Variants in SPON1 observed in about 807,000 individuals in gnomAD.
SPON1 encodes the protein spondin-1.
Under a neutral mutation model 111.7 loss-of-function variants are expected in SPON1, and 52 were observed. The ratio of observed to expected loss-of-function variants is 0.47; its 90% CI spans 0.37 to 0.59. SPON1 has a LOEUF of 0.59. SPON1 is among the 20% of genes least tolerant of loss of function. The probability of loss-of-function intolerance (pLI) is 0.00; values close to 1 mark genes in which losing one functional copy is unlikely to be tolerated. For missense variants in SPON1, 957 were observed against 1,068.5 expected, an observed-to-expected ratio of 0.90 and a Z score of 1.46; for synonymous variants, 410 against 395.8, an observed-to-expected ratio of 1.04 and a Z score of -0.43.
intron 2 of SPON1, among the ~76,000 whole-genome samples, chr11:14,034,638 G>A (rs1164209783): frequency 6.6e-6 from 1 of 152,172 alleles, no homozygotes; most frequent in African/African-American, 2.4e-5. Flanking sequence ...TCACTTCTGG[G>A]CCAAGGGTCT....
chr11:14,079,032 T>TA (rs1564899911), intron 4 of SPON1, among the ~76,000 whole-genome samples: 1 of 152,180 alleles, frequency 6.6e-6, no homozygotes, highest in Non-Finnish European at 1.5e-5. Flanking sequence ...ATTATGTTAA[T>TA]ACTACTAGAG....
intron 3 of SPON1, among the ~76,000 whole-genome samples, chr11:14,044,589 G>A (rs1334021032): frequency 6.6e-6 from 1 of 152,198 alleles, no homozygotes; most frequent in Non-Finnish European, 1.5e-5. Context: ...TCCAGCCTGG[G>A]TGACAGAGTG....
chr11:14,025,062 GATT>G (rs1439016594), intron 2 of SPON1, among the ~76,000 whole-genome samples: 1 of 152,210 alleles, frequency 6.6e-6, no homozygotes, highest in African/African-American at 2.4e-5. Flanking sequence ...AGTGGGAAGA[GATT>G]GAGTTTTAAA....
intron 6 of SPON1, among the ~76,000 whole-genome samples, chr11:14,192,630 C>T (rs1428687334): frequency 6.6e-6 from 1 of 151,800 alleles, no homozygotes; most frequent in Admixed American, 6.6e-5. Context: ...CCTCACGGTA[C>T]ACCCTCCTCC....
rs1554942604 is a variant in SPON1, at chr11:14,267,486, T to C, written c.*1799T>C. ...TGTAGAAGCACCCACTTTTGCAATG[T>C]TGTTCTAAGCTATCTATCTAACTCT... On this transcript the variant is annotated 3_prime_UTR_variant, in exon 16 of 16. Transcript: ENST00000576479. 6.6e-6 allele frequency: 1 copy of C among 152,248 alleles called. No homozygotes were observed. Among genetic ancestry groups the C allele is most frequent in the Non-Finnish European group, 1.5e-5 (1 of 68,046 alleles). The allele number at this position is 152,248 out of a possible 1,614,324, so 9.4% of individuals were successfully genotyped here. A position where few individuals can be genotyped will look rare whatever the true frequency, so the allele number is the denominator to read the frequency against.
At chr11:14,199,455 A>G (rs1270846750) in intron 6 of SPON1, among the ~76,000 whole-genome samples, 1 of 147,628 alleles carries the variant, frequency 6.8e-6, no homozygotes, top group Non-Finnish European at 1.5e-5. Context: ...TCTCCCTCTT[A>G]CTCCTCTATC....
intron 3 of SPON1, among the ~76,000 whole-genome samples, chr11:14,049,620 T>A (rs1426649520): frequency 6.6e-6 from 1 of 152,182 alleles, no homozygotes; most frequent in Non-Finnish European, 1.5e-5. Context: ...ACTGAACACC[T>A]CCTGCTTGCA....
intron 2 of SPON1, among the ~76,000 whole-genome samples, chr11:13,996,797 T>C (rs1554911853): frequency 6.6e-6 from 1 of 152,052 alleles, no homozygotes; most frequent in Non-Finnish European, 1.5e-5. Context: ...TTATATCCTG[T>C]TTTATTTTTA....
chr11:13,987,156 T>G (rs1554910507), intron 2 of SPON1, among the ~76,000 whole-genome samples: 1 of 152,248 alleles, frequency 6.6e-6, no homozygotes, highest in East Asian at 1.9e-4. Flanking sequence ...TCCACAATGG[T>G]TGAACTAATT....
intron 1 of SPON1, among the ~76,000 whole-genome samples, chr11:13,963,512 G>A (rs1847991717): frequency 6.6e-6 from 1 of 152,320 alleles, no homozygotes; most frequent in Admixed American, 6.5e-5. Flanking sequence ...CGGTCTGGAG[G>A]GGACCCAGGC....
chr11:13,987,473 G>A (rs576601115), intron 2 of SPON1, among the ~76,000 whole-genome samples: 3 of 152,080 alleles, frequency 2.0e-5, no homozygotes, highest in Admixed American at 6.6e-5. Flanking sequence ...GATGGATAGA[G>A]TGCAAAAATT....
intron 6 of SPON1, among the ~76,000 whole-genome samples, chr11:14,217,853 A>C (rs559841922): frequency 4.2e-3 from 644 of 152,362 alleles, no homozygotes; most frequent in Non-Finnish European, 6.6e-3. Context: ...AGTATTTGTA[A>C]CTACTATTTA....
intron 6 of SPON1, among the ~76,000 whole-genome samples, chr11:14,155,695 C>T (rs1847837783): frequency 1.4e-5 from 2 of 147,546 alleles, no homozygotes; most frequent in Non-Finnish European, 3.0e-5. Context: ...GTTCCCCTTC[C>T]TGTGTCCATG....
chr11:14,142,199 G>T (rs1307989374), intron 6 of SPON1, among the ~76,000 whole-genome samples: 1 of 152,198 alleles, frequency 6.6e-6, no homozygotes, highest in Non-Finnish European at 1.5e-5. Flanking sequence ...GAAAGAGATT[G>T]CTGGATGTTA....
chr11:13,969,215 C>CAAAAAAAAAAAAAAAAAAAAAAAAAAAA, intron 1 of SPON1, among the ~76,000 whole-genome samples: 1 of 106,980 alleles, frequency 9.3e-6, no homozygotes. Flanking sequence ...CCCATCTCTA[C>CAAAAAAAAAAAAAAAAAAAAAAAAAAAA]AAAAAAAAAA....
chr11:14,208,258 G>C (rs1848536319), intron 6 of SPON1, among the ~76,000 whole-genome samples: 1 of 150,566 alleles, frequency 6.6e-6, no homozygotes, highest in Non-Finnish European at 1.5e-5. Flanking sequence ...ATGGGTACTG[G>C]GCTTAATACC....
intron 7 of SPON1, among the ~76,000 whole-genome samples, chr11:14,244,873 G>C (rs948742039): frequency 1.3e-4 from 20 of 152,326 alleles, no homozygotes; most frequent in African/African-American, 4.8e-4. Flanking sequence ...CGGAACACAC[G>C]TCGGGGTTCA....
intron 1 of SPON1, among the ~76,000 whole-genome samples, chr11:13,965,150 T>C (rs369476007): frequency 7.2e-5 from 11 of 152,306 alleles, no homozygotes; most frequent in African/African-American, 2.6e-4. Flanking sequence ...GATTTTTGTT[T>C]TTGAAGAGTG....
At chr11:14,238,602 T>C (rs138268503) in intron 6 of SPON1, among the ~76,000 whole-genome samples, 356 of 152,254 alleles carry the variant, frequency 2.3e-3, no homozygotes, top group African/African-American at 8.2e-3. Flanking sequence ...CTGGTATTGA[T>C]GTAATTGCTG....
Sources: gnomAD v4.1 joint callset for allele counts (sites outside exome capture counted in the v4.1 genomes callset) on GRCh38, gnomAD v4.1.1 for gene constraint, MANE v1.5 for transcripts, NCBI Gene and HGNC (gene_info 2026-07-23, HGNC 2026-07-21) for gene names.